Variants in MRPS6 observed in about 807,000 individuals in gnomAD.
The protein encoded by MRPS6 is small ribosomal subunit protein bS6m.
MRPS6 carries 6 observed loss-of-function variants against 13.1 expected under a neutral mutation model. That is an observed-to-expected ratio of 0.46 (90% CI 0.25 to 0.91). MRPS6 has a LOEUF of 0.91. Among genes scored for constraint, MRPS6 ranks in the 40% least tolerant of loss-of-function variants. The probability of loss-of-function intolerance (pLI) is 0.18; values close to 1 mark genes in which losing one functional copy is unlikely to be tolerated. For missense variants in MRPS6, 164 were observed against 155.6 expected, an observed-to-expected ratio of 1.05 and a Z score of -0.29; for synonymous variants, 61 against 56.5, an observed-to-expected ratio of 1.08 and a Z score of -0.36.
intron 1 of MRPS6, among the ~76,000 whole-genome samples, chr21:34,082,096 G>T (rs539163337): frequency 6.6e-6 from 1 of 151,362 alleles, no homozygotes; most frequent in African/African-American, 2.4e-5. Flanking sequence ...GAATACTTAG[G>T]TACCATGGAT....
intron 1 of MRPS6, among the ~76,000 whole-genome samples, chr21:34,087,524 A>G (rs1323024006): frequency 6.6e-6 from 1 of 152,236 alleles, no homozygotes; most frequent in African/African-American, 2.4e-5. Flanking sequence ...AGAAACGTTT[A>G]AGTTTTATAG....
intron 2 of MRPS6, among the ~76,000 whole-genome samples, chr21:34,131,864 G>A (rs1401585858): frequency 6.6e-6 from 1 of 152,210 alleles, no homozygotes; most frequent in Non-Finnish European, 1.5e-5. Flanking sequence ...GCAGCAGCTC[G>A]TACAGCCTCT....
chr21:34,104,884 G>A (rs926607646), intron 1 of MRPS6: 1 of 1,000,098 alleles, frequency 1.0e-6, no homozygotes, highest in Non-Finnish European at 1.2e-6. Flanking sequence ...TGCTTCTGGA[G>A]ATTTCTTTGG....
chr21:34,110,053 C>T (rs1979636306), intron 1 of MRPS6, among the ~76,000 whole-genome samples: 1 of 152,176 alleles, frequency 6.6e-6, no homozygotes, highest in South Asian at 2.1e-4. Context: ...TTGCCCATTT[C>T]TGCCCTTCCC....
At chr21:34,132,366 G>A (rs554273323) in intron 2 of MRPS6, among the ~76,000 whole-genome samples, 1 of 152,222 alleles carries the variant, frequency 6.6e-6, no homozygotes, top group South Asian at 2.1e-4. Context: ...AGCCCCGGGC[G>A]CATAGCAGCA....
chr21:34,142,017 T>C (rs979860129), intron 2 of MRPS6, among the ~76,000 whole-genome samples: 7 of 152,228 alleles, frequency 4.6e-5, no homozygotes, highest in African/African-American at 1.7e-4. Flanking sequence ...GAGTATCTAA[T>C]AGATGTTTTC....
chr21:34,086,030 C>T (rs1052706576), intron 1 of MRPS6, among the ~76,000 whole-genome samples: 5 of 152,198 alleles, frequency 3.3e-5, no homozygotes, highest in African/African-American at 1.2e-4. Flanking sequence ...GACTCTGAAT[C>T]TAAACAAGGT....
At position 34,079,712 on chromosome 21, in the gene MRPS6, G is replaced by A. The variant is rs550007395; in HGVS notation, c.45+5967G>A. Among the ~76,000 whole-genome samples the A allele has an allele frequency of 1.4e-4, 20 of 147,922 alleles. No individual in the cohort carries two copies. In the South Asian group the frequency reaches 4.3e-3, roughly 32 times the overall value. On this transcript the variant is annotated intron_variant, in intron 1 of 2. Coordinates refer to ENST00000399312, the MANE Select transcript of MRPS6 (RefSeq NM_032476.4). ...GATCTGCCCGCTTTGGTCTCCCAAA[G>A]TGCTGGGATTACAGGCCCTCTTCTC... is the stretch of plus-strand genomic sequence containing the variant.
chr21:34,133,686 T>C, intron 2 of MRPS6, among the ~76,000 whole-genome samples: 1 of 152,168 alleles, frequency 6.6e-6, no homozygotes, highest in East Asian at 1.9e-4. Context: ...TGTCATGCTC[T>C]TGCTAGAGCC....
At chr21:34,098,429 A>G (rs1276651610) in intron 1 of MRPS6, 3 of 999,946 alleles carry the variant, frequency 3.0e-6, no homozygotes, top group Non-Finnish European at 3.6e-6. Flanking sequence ...TTTAATTCTG[A>G]TATCTTATTG....
intron 1 of MRPS6, chr21:34,124,023 TCTC>T (rs1980214976): frequency 6.6e-6 from 1 of 152,294 alleles, no homozygotes; most frequent in Admixed American, 6.5e-5. Flanking sequence ...CTGCTGGTGA[TCTC>T]CTTTCCTCTC....
intron 2 of MRPS6, among the ~76,000 whole-genome samples, chr21:34,132,942 T>C (rs558597511): frequency 1.3e-5 from 2 of 152,326 alleles, no homozygotes; most frequent in African/African-American, 2.4e-5. Context: ...TCTCTCTTCT[T>C]AACTACATTA....
At chr21:34,101,435 A>G (rs886108392) in intron 1 of MRPS6, 2 of 1,000,082 alleles carry the variant, frequency 2.0e-6, no homozygotes, top group Non-Finnish European at 2.4e-6. Context: ...AAGATTTTGC[A>G]TTAGCCAGAT....
At chr21:34,132,041 G>GGTC (rs1457694238) in intron 2 of MRPS6, among the ~76,000 whole-genome samples, 1 of 152,194 alleles carries the variant, frequency 6.6e-6, no homozygotes, top group Non-Finnish European at 1.5e-5. Flanking sequence ...AATTGGTGAA[G>GGTC]GTCATTCCTG....
chr21:34,107,039 C>A (rs1222685751), intron 1 of MRPS6, among the ~76,000 whole-genome samples: 1 of 152,130 alleles, frequency 6.6e-6, no homozygotes, highest in Admixed American at 6.5e-5. Flanking sequence ...TCAAGCAATT[C>A]TCGTGCCTCA....
At chr21:34,097,718 A>G in intron 1 of MRPS6, 1 of 1,010,950 alleles carries the variant, frequency 9.9e-7, no homozygotes, top group Non-Finnish European at 1.2e-6. Flanking sequence ...CTTACCCTGA[A>G]GTAGAAGATT....
At position 34,135,355 on chromosome 21, in the gene MRPS6, T is replaced by G. The variant is rs1980655286; in HGVS notation, c.186-7053T>G. The stretch of plus-strand genomic sequence containing the variant: ...ATGTATATGAGAGCCGGTTTTTTTT[T>G]TTTTTTTTTTTTTTTTTGTGGTGGC... On this transcript the variant is annotated intron_variant, in intron 2 of 2. Coordinates refer to ENST00000399312, the MANE Select transcript of MRPS6 (RefSeq NM_032476.4). 6.7e-5 allele frequency: 11 copies of G among 164,426 alleles called. No individual in the cohort carries two copies. The South Asian group carries it at 1.1e-3, about 16-fold the overall frequency. The allele number at this position is 164,426 out of a possible 1,614,324, so 10.2% of individuals were successfully genotyped here. A position where few individuals can be genotyped will look rare whatever the true frequency, so the allele number is the denominator to read the frequency against.
rs144479745 is a variant in MRPS6 at position 34,121,630 on chromosome 21, C to G, written c.46-3711C>G. On this transcript the variant is annotated intron_variant, in intron 1 of 2. Transcript: ENST00000399312. ...TTCAGATGGGGTGAGAGAAGCCTCT[C>G]AGAAGCCTGCACAACTTCTCTTAGA... is the stretch of plus-strand genomic sequence containing the variant. 8.5e-5 allele frequency among the ~76,000 whole-genome samples: 13 copies of G among 152,168 alleles called. No homozygotes were observed. The South Asian group carries it at 2.7e-3, about 32-fold the overall frequency.
At chr21:34,091,268 C>A (rs199853942) in intron 1 of MRPS6, among the ~76,000 whole-genome samples, 4 of 20 alleles carry the variant, frequency 0.2, no homozygotes, top group Non-Finnish European at 0.33. Context: ...GCAGGCCCCG[C>A]CCTGTGTCAT....
Sources: allele counts gnomAD v4.1 joint callset (sites outside exome capture counted in the v4.1 genomes callset), GRCh38; gene constraint gnomAD v4.1.1; transcripts MANE v1.5; gene names NCBI Gene and HGNC (gene_info 2026-07-23, HGNC 2026-07-21).